The following CSMD1 variants were observed in gnomAD, a reference collection of about 807,000 sequenced individuals.
The protein encoded by CSMD1 is CUB and Sushi multiple domains 1.
CSMD1 carries 213 observed loss-of-function variants against 417.5 expected under a neutral mutation model. The observed-to-expected ratio is 0.51, with a 90% CI of 0.46 to 0.57. CSMD1 has a LOEUF of 0.57. Among genes scored for constraint, CSMD1 ranks in the 20% least tolerant of loss-of-function variants. CSMD1 has a pLI of 0.00. For missense variants in CSMD1, 6,923 were observed against 4,529.7 expected (o/e 1.53, Z -15.17); for synonymous variants, 2,862 against 1,736.8 (o/e 1.65, Z -16.11).
chr8:4,853,336 G>T (rs932781626), intron 1 of CSMD1, among the ~76,000 whole-genome samples: 1 of 152,182 alleles, frequency 6.6e-6, no homozygotes, highest in Non-Finnish European at 1.5e-5. Context: ...ATGCAAGGTG[G>T]CTGTTCCCTG....
chr8:4,869,414 A>T (rs1039537630), intron 1 of CSMD1, among the ~76,000 whole-genome samples: 6 of 152,190 alleles, frequency 3.9e-5, no homozygotes, highest in Non-Finnish European at 7.4e-5. Flanking sequence ...CTTGACTTTC[A>T]CTTACCAAAT....
chr8:4,472,584 A>C (rs1015780368), intron 2 of CSMD1, among the ~76,000 whole-genome samples: 11 of 152,236 alleles, frequency 7.2e-5, no homozygotes, highest in African/African-American at 2.6e-4. Context: ...ATTCATCATC[A>C]CTTTGAAAAG....
At chr8:4,470,310 T>A (rs1256818028) in intron 2 of CSMD1, among the ~76,000 whole-genome samples, 1 of 152,216 alleles carries the variant, frequency 6.6e-6, no homozygotes, top group African/African-American at 2.4e-5. Flanking sequence ...CTTTATTTCA[T>A]GCTAGTTTCT....
chr8:3,971,228 A>G (rs1813065393), intron 5 of CSMD1, among the ~76,000 whole-genome samples: 1 of 152,278 alleles, frequency 6.6e-6, no homozygotes, highest in East Asian at 1.9e-4. Context: ...TTCTGCCTAC[A>G]GACCATGCGC....
chr8:3,616,652 G>A (rs577838678), intron 8 of CSMD1, 58 bp downstream of exon 8: 6 of 1,128,748 alleles, frequency 5.3e-6, no homozygotes, highest in East Asian at 2.4e-5. Context: ...ACTGCAAGCT[G>A]AAATAATATA....
intron 54 of CSMD1, among the ~76,000 whole-genome samples, chr8:2,980,345 T>G (rs1805298150): frequency 6.9e-6 from 1 of 145,528 alleles, no homozygotes. Context: ...TCCTCCTCCA[T>G]TTCCTCCTCC....
chr8:4,402,825 T>C (rs1804739366), intron 3 of CSMD1, among the ~76,000 whole-genome samples: 2 of 102,266 alleles, frequency 2.0e-5, no homozygotes, highest in South Asian at 3.2e-4. Flanking sequence ...TTTTTTCTTT[T>C]TTTTTTTTTT....
chr8:2,962,688 G>C, intron 60 of CSMD1, 49 bp from the exon 61 acceptor site: 1 of 1,562,840 alleles, frequency 6.4e-7, no homozygotes, highest in Non-Finnish European at 8.7e-7. Flanking sequence ...CCCTGGATCA[G>C]CTTCACCAAT....
At chr8:3,800,869 G>A (rs1220728526) in intron 5 of CSMD1, among the ~76,000 whole-genome samples, 3 of 152,106 alleles carry the variant, frequency 2.0e-5, no homozygotes, top group Non-Finnish European at 1.5e-5. Context: ...CCAGAGACTG[G>A]TGCCATGCTT....
At chr8:3,533,550 C>G (rs1467552256) in intron 10 of CSMD1, among the ~76,000 whole-genome samples, 2 of 152,152 alleles carry the variant, frequency 1.3e-5, no homozygotes, top group Non-Finnish European at 2.9e-5. Flanking sequence ...ACTACTATGT[C>G]TATAAAGCAG....
At chr8:3,885,674 T>C (rs2129123971) in intron 5 of CSMD1, among the ~76,000 whole-genome samples, 1 of 152,252 alleles carries the variant, frequency 6.6e-6, no homozygotes, top group Non-Finnish European at 1.5e-5. Context: ...TCTCCATCTT[T>C]CTCAAGCTCA....
intron 1 of CSMD1, among the ~76,000 whole-genome samples, chr8:4,655,374 C>T (rs376697938): frequency 6.6e-6 from 1 of 151,652 alleles, no homozygotes; most frequent in Non-Finnish European, 1.5e-5. Flanking sequence ...TTCCAGGAGA[C>T]CAAACAAAAC....
chr8:4,816,950 A>G (rs1343379987), intron 1 of CSMD1, among the ~76,000 whole-genome samples: 1 of 152,184 alleles, frequency 6.6e-6, no homozygotes, highest in Non-Finnish European at 1.5e-5. Context: ...ATTGCATTGA[A>G]GGACAGCTAC....
intron 2 of CSMD1, among the ~76,000 whole-genome samples, chr8:4,460,850 G>A (rs1799772236): frequency 6.6e-6 from 1 of 152,158 alleles, no homozygotes; most frequent in Admixed American, 6.5e-5. Flanking sequence ...AACATTGAGA[G>A]TAGAATTATT....
chr8:3,764,938 G>T (rs1210670031), intron 5 of CSMD1, among the ~76,000 whole-genome samples: 2 of 151,790 alleles, frequency 1.3e-5, no homozygotes, highest in African/African-American at 2.4e-5. Flanking sequence ...TAGAGACAGG[G>T]TTTCACATGT....
intron 1 of CSMD1, among the ~76,000 whole-genome samples, chr8:4,672,623 A>G (rs1358053045): frequency 6.6e-6 from 1 of 152,166 alleles, no homozygotes; most frequent in Non-Finnish European, 1.5e-5. Context: ...CAGAAAAATT[A>G]AAAAGAATAA....
chr8:4,009,009 C>G (rs950064164), intron 4 of CSMD1, among the ~76,000 whole-genome samples: 2 of 152,084 alleles, frequency 1.3e-5, no homozygotes, highest in African/African-American at 4.8e-5. Flanking sequence ...TGTGCCCATA[C>G]CGAATTTCCA....
chr8:3,633,231 T>A (rs1490067448), intron 7 of CSMD1, among the ~76,000 whole-genome samples: 1 of 152,202 alleles, frequency 6.6e-6, no homozygotes, highest in African/African-American at 2.4e-5. Context: ...AATGTCTACA[T>A]TGGATATAAC....
chr8:4,857,542 G>A (rs187378095), intron 1 of CSMD1, among the ~76,000 whole-genome samples: 1 of 152,064 alleles, frequency 6.6e-6, no homozygotes, highest in Non-Finnish European at 1.5e-5. Flanking sequence ...AAAAAAGAGA[G>A]AAGAATCAAA....
Sources: allele counts gnomAD v4.1 joint callset (sites outside exome capture counted in the v4.1 genomes callset), GRCh38; gene constraint gnomAD v4.1.1; transcripts MANE v1.5; gene names NCBI Gene and HGNC (gene_info 2026-07-23, HGNC 2026-07-21).